Variants in THRAP3 observed in about 807,000 individuals in gnomAD.
The protein encoded by THRAP3 is thyroid hormone receptor-associated protein 3.
THRAP3 carries 16 observed loss-of-function variants against 101.0 expected under a neutral mutation model. The observed-to-expected ratio is 0.16, with a 90% confidence interval of 0.11 to 0.24. The LOEUF (loss-of-function observed/expected upper bound fraction) is 0.24, where lower values mean the gene tolerates loss of function less well. Among genes scored for constraint, THRAP3 ranks in the 10% least tolerant of loss-of-function variants. The pLI, the probability that THRAP3 is intolerant of heterozygous loss-of-function variation, is 1.00. For missense variants in THRAP3, 989 were observed against 1,202.7 expected (o/e 0.82, Z 2.63); for synonymous variants, 407 against 422.6 (o/e 0.96, Z 0.45).
intron 2 of THRAP3, among the ~76,000 whole-genome samples, chr1:36,277,703 G>A (rs1242550944): frequency 6.6e-6 from 1 of 152,024 alleles, no homozygotes; most frequent in Non-Finnish European, 1.5e-5. Context: ...TTTTTGAAAA[G>A]GGTGAAAAAC....
At chr1:36,264,118 G>A (rs1645482928) in intron 2 of THRAP3, among the ~76,000 whole-genome samples, 1 of 152,206 alleles carries the variant, frequency 6.6e-6, no homozygotes, top group Non-Finnish European at 1.5e-5. Flanking sequence ...GGAGTGCAGT[G>A]GCGCAGTCTC....
Position 36,286,762 on chromosome 1 carries a change from AAGG to A in THRAP3, c.535_537del (p.Glu179del). The A allele has an allele frequency of 6.2e-7, 1 of 1,614,204 alleles. No individual in the cohort carries two copies. Reference sequence around the variant, plus strand: ...TGAATCTTCTAAGCGCAAGTCTGCAAAGGAGAAAAAGTCCTCTTCTAAGGATAG... The same window carrying A: ...TGAATCTTCTAAGCGCAAGTCTGCAAAGAAAAAGTCCTCTTCTAAGGATAG... On this transcript the variant is annotated inframe_deletion, in exon 4 of 12. Transcript: ENST00000354618. This position sits in a 1 kb window ranked among gnomAD's most constrained non-coding sequence, Gnocchi z 5.5.
chr1:36,264,840 C>G (rs183662687), intron 2 of THRAP3, among the ~76,000 whole-genome samples: 2 of 152,096 alleles, frequency 1.3e-5, no homozygotes, highest in East Asian at 3.9e-4. Context: ...TAAAGTACCA[C>G]AAATGGAGGC....
At chr1:36,281,078 ACT>A in intron 2 of THRAP3, among the ~76,000 whole-genome samples, 1 of 151,886 alleles carries the variant, frequency 6.6e-6, no homozygotes, top group Non-Finnish European at 1.5e-5. Context: ...GGCACCCGCC[ACT>A]ACTTTTAGTA....
rs956066097 is a variant in THRAP3 at position 36,288,923 on chromosome 1, A to G, written c.1041-137A>G. On this transcript the variant is annotated intron_variant, in intron 4 of 11. Transcript: ENST00000354618. ...AGAAATTATTACGAAGTAACCGCCT[A>G]GAAAGTCCTTTGGTAATACAGGAAT... 5.8e-5 allele frequency: 76 copies of G among 1,319,044 alleles called. No individual in the cohort carries two copies. In the South Asian group the frequency reaches 6.0e-4, roughly 10 times the overall value. 81.7% of individuals were successfully genotyped at this position (1,319,044 alleles called of 1,614,324 possible). A position where few individuals can be genotyped will look rare whatever the true frequency, so the allele number is the denominator to read the frequency against.
At chr1:36,241,429 A>ACC (rs2124403981) in intron 1 of THRAP3, among the ~76,000 whole-genome samples, 1 of 139,534 alleles carries the variant, frequency 7.2e-6, no homozygotes, top group Non-Finnish European at 1.5e-5. Flanking sequence ...ATATATATAT[A>ACC]CACATATATA....
intron 4 of THRAP3, chr1:36,288,419 C>T: frequency 1.0e-6 from 1 of 985,368 alleles, no homozygotes; most frequent in Non-Finnish European, 1.2e-6. Context: ...TTGTTCCATG[C>T]CAGGACTGTG....
At chr1:36,235,589 C>A (rs142085954) in intron 1 of THRAP3, among the ~76,000 whole-genome samples, 2,486 of 152,108 alleles carry the variant, frequency 0.016, 31 homozygotes, top group Non-Finnish European at 0.027. Flanking sequence ...CCTGAGATTT[C>A]CACCGTGACA....
upstream of THRAP3, among the ~76,000 whole-genome samples, chr1:36,223,597 C>T (rs777320468): frequency 3.3e-5 from 5 of 152,132 alleles, no homozygotes; most frequent in African/African-American, 4.8e-5. Context: ...AGGAAACCAG[C>T]CTGTGCAAAA....
intron 7 of THRAP3, 94 bp downstream of exon 7, chr1:36,292,803 T>C: frequency 1.1e-6 from 1 of 904,338 alleles, no homozygotes; most frequent in Non-Finnish European, 1.7e-6. Context: ...AATGCACCTT[T>C]AATACAAAAT....
intron 2 of THRAP3, among the ~76,000 whole-genome samples, chr1:36,272,988 G>A (rs1645610328): frequency 6.6e-6 from 1 of 152,192 alleles, no homozygotes; most frequent in African/African-American, 2.4e-5. Flanking sequence ...TCCTTCTTGT[G>A]AAGAGAATGG....
In THRAP3 at chr1:36,254,140, C is replaced by T. The variant is rs1645344221; in HGVS notation, c.-134-5242C>T. On this transcript the variant is annotated intron_variant, in intron 1 of 11. Coordinates refer to ENST00000354618, the MANE Select transcript of THRAP3 (RefSeq NM_005119.4). ...TCACCTTCTTTTTCTCAGCACTGCA[C>T]TCCAGCCTAGGTGACGGAGACCACG... 2.0e-5 allele frequency among the ~76,000 whole-genome samples: 3 copies of T among 152,136 alleles called. No individual in the cohort carries two copies. In the South Asian group the frequency reaches 6.2e-4, roughly 31 times the overall value.
chr1:36,215,560 G>A, the THRAP3 span, among the ~76,000 whole-genome samples: 8,022 of 152,122 alleles, frequency 0.053, 720 homozygotes, highest in African/African-American at 0.18. Context: ...CAGGACCTCC[G>A]GATTCTATAC....
At chr1:36,233,561 CTGGGCA>C (rs897179126) in intron 1 of THRAP3, among the ~76,000 whole-genome samples, 10 of 150,556 alleles carry the variant, frequency 6.6e-5, no homozygotes, top group African/African-American at 2.0e-4. Context: ...GGCTCATAGC[CTGGGCA>C]TGGGCAACAT....
At position 36,286,654 on chromosome 1, in the gene THRAP3, C is replaced by T. The variant is rs1234539812; in HGVS notation, c.424C>T (p.His142Tyr). 20 of 1,614,170 alleles carry T rather than the reference C, an allele frequency of 1.2e-5. No individual in the cohort carries two copies. The highest frequency in any genetic ancestry group is 1.7e-5 in the Non-Finnish European group (20 of 1,180,036). ...RRSPSPRSRS[H>Y]SRNSDKSSSD... ...GTCCCCTTCACCAAGGTCCAGGAGC[C>T]ATTCTAGAAACTCTGATAAGTCGTC... The change falls in exon 4 of 12, where the codon CAT (histidine) becomes TAT (tyrosine). Residue 142 changes from histidine (H) to tyrosine (Y), a missense_variant. Transcript: ENST00000354618. This position sits in a 1 kb window ranked among gnomAD's most constrained non-coding sequence, Gnocchi z 5.5.
chr1:36,252,960 AT>A (rs1557819440), intron 1 of THRAP3, among the ~76,000 whole-genome samples: 35 of 133,812 alleles, frequency 2.6e-4, no homozygotes, highest in African/African-American at 8.4e-4. Context: ...ATATATATAT[AT>A]ATATATATAA....
chr1:36,296,014 GC>G (rs1212669948), intron 8 of THRAP3, among the ~76,000 whole-genome samples: 1 of 115,578 alleles, frequency 8.7e-6, no homozygotes, highest in Non-Finnish European at 1.7e-5. Context: ...TGTTCTATTG[GC>G]CAGGATGGAG....
intron 1 of THRAP3, among the ~76,000 whole-genome samples, chr1:36,230,130 C>CT (rs923616160): frequency 1.5e-4 from 22 of 147,790 alleles, no homozygotes; most frequent in African/African-American, 3.2e-4. Context: ...AATTTTTTTT[C>CT]TTTTTTTTTA....
intron 1 of THRAP3, among the ~76,000 whole-genome samples, chr1:36,252,927 CATATATATATATATATATATATATATAT>C (rs71053916): frequency 1.1e-3 from 88 of 76,576 alleles, no homozygotes; most frequent in African/African-American, 1.7e-3. Flanking sequence ...TATAGATAGG[CATATATATATATATATATATATATATAT>C]ATATATATAT....
Sources: gnomAD v4.1 joint callset for allele counts (sites outside exome capture counted in the v4.1 genomes callset) on GRCh38, gnomAD v4.1.1 for gene constraint, Gnocchi (gnomAD v3.1) non-coding constraint, MANE v1.5 for transcripts, NCBI Gene and HGNC (gene_info 2026-07-23, HGNC 2026-07-21) for gene names.